Variants in LETMD1 observed in about 807,000 individuals in gnomAD.
LETMD1 encodes LETM1 domain-containing protein 1.
A neutral mutation model predicts 43.9 loss-of-function variants in LETMD1; 30 were observed. The ratio of observed to expected loss-of-function variants is 0.68; its 90% CI spans 0.51 to 0.93. The LOEUF is 0.93. Among genes scored for constraint, LETMD1 ranks in the 40% least tolerant of loss-of-function variants. The pLI is 0.00. For missense variants in LETMD1, 413 were observed against 447.7 expected (o/e 0.92, Z 0.70); for synonymous variants, 176 against 163.1 (o/e 1.08, Z -0.60).
At position 51,056,220 on chromosome 12, in the gene LETMD1, T is replaced by C; in HGVS notation, c.737T>C (p.Met246Thr). 6.2e-7 allele frequency: 1 copy of C among 1,614,272 alleles called. No homozygotes were observed. Among genetic ancestry groups the C allele is most frequent in the Non-Finnish European group, 8.5e-7 (1 of 1,180,046 alleles). Residue 246 changes from methionine to threonine, a missense_variant, in exon 6 of 9, where the codon ATG becomes ACG. Transcript: ENST00000262055. ...TGTTTCTCTAACCATCCTCTGGGCATGAACCAACTCCAGGCTTTGCACGTG... is the reference window on the plus strand; with the variant it reads ...TGTTTCTCTAACCATCCTCTGGGCACGAACCAACTCCAGGCTTTGCACGTG... The part of the protein sequence containing the change: ...RECFSNHPLG[M>T]NQLQALHVKA...
intron 8 of LETMD1, chr12:51,058,628 G>T: frequency 6.3e-6 from 1 of 159,994 alleles, no homozygotes; most frequent in Admixed American, 6.0e-5. Context: ...CTCCATGTTG[G>T]TCAGGCTGAT....
intron 2 of LETMD1, chr12:51,049,428 T>C (rs7962888): frequency 1.3e-3 from 531 of 408,658 alleles, no homozygotes; most frequent in Non-Finnish European, 1.8e-3. Flanking sequence ...ATAGGTATGT[T>C]CTCGTACTTT....
chr12:51,051,531 A>G (rs1054305716), intron 2 of LETMD1, among the ~76,000 whole-genome samples: 6 of 151,440 alleles, frequency 4.0e-5, no homozygotes, highest in African/African-American at 1.5e-4. Context: ...ACATGGTGAA[A>G]CCCCATCTCT....
intron 2 of LETMD1, 50 bp downstream of exon 2, chr12:51,049,235 T>C: frequency 6.6e-7 from 1 of 1,514,844 alleles, no homozygotes; most frequent in East Asian, 2.3e-5. Context: ...TTGGGCAGGG[T>C]CAAAGAGTTA....
the LETMD1 span, chr12:51,067,959 T>C: frequency 6.2e-7 from 1 of 1,613,280 alleles, no homozygotes; most frequent in South Asian, 1.1e-5. This position sits in a 1 kb window ranked among gnomAD's most constrained non-coding sequence, Gnocchi z 4.1. Context: ...CACTGTCCCA[T>C]TCTTGGTCAG....
chr12:51,064,157 G>A (rs984099959), downstream of LETMD1: 50 of 1,614,066 alleles, frequency 3.1e-5, no homozygotes, highest in Non-Finnish European at 4.1e-5. Context: ...AGGATGGGCT[G>A]TTCACCGTTG....
the LETMD1 span, among the ~76,000 whole-genome samples, chr12:51,067,165 GA>G: frequency 6.6e-5 from 10 of 151,940 alleles, no homozygotes; most frequent in Non-Finnish European, 1.2e-4. This position sits in a 1 kb window ranked among gnomAD's most constrained non-coding sequence, Gnocchi z 4.1. Context: ...CAGTATTTAG[GA>G]AACAGTATTT....
At chr12:51,048,853 C>T in intron 1 of LETMD1, 181 bp from the exon 2 acceptor site, 1 of 640,024 alleles carries the variant, frequency 1.6e-6, no homozygotes, top group African/African-American at 1.8e-5. Context: ...CTGGCCTTTG[C>T]CTGATTTGTG....
At chr12:51,054,706 GA>G (rs1229626953) in intron 4 of LETMD1, among the ~76,000 whole-genome samples, 19 of 151,994 alleles carry the variant, frequency 1.3e-4, no homozygotes, top group Non-Finnish European at 1.3e-4. Flanking sequence ...CACCTAGAAT[GA>G]AAAAAGGGCA....
intron 3 of LETMD1, 47 bp from the exon 4 acceptor site, chr12:51,053,731 A>T: frequency 3.8e-6 from 5 of 1,330,094 alleles, no homozygotes; most frequent in Non-Finnish European, 5.4e-6. Context: ...CTATTGTATT[A>T]ACAACTTATT....
rs938388727 is a variant in LETMD1 at position 51,060,157 on chromosome 12, G to A, written c.*726G>A. ...CTGGGCTGTATTACAGCCCTCTGTG[G>A]ATCTTCAACTCTGCTGCCTCCACTG... On this transcript the variant is annotated 3_prime_UTR_variant, in exon 9 of 9. Transcript: ENST00000262055. 1 of 152,698 alleles carries A rather than the reference G, an allele frequency of 6.5e-6. No individual in the cohort carries two copies. Among genetic ancestry groups the A allele is most frequent in the African/African-American group, 2.4e-5 (1 of 41,418 alleles). The allele number at this position is 152,698 out of a possible 1,614,324, so 9.5% of individuals were successfully genotyped here.
chr12:51,049,153 G>A lies in LETMD1; in HGVS notation c.242G>A (p.Arg81His), dbSNP rs780212205. ...YHRFLGRHFP[R>H]FYVLYTIFMK... The stretch of plus-strand genomic sequence containing the variant: ...CGTTTCTTGGGTCGTCATTTCCCCC[G>A]CTTCTATGTCCTGTACACAATCTTC... The change falls in exon 2 of 9, where the codon CGC becomes CAC. Residue 81 changes from arginine (R) to histidine (H), a missense_variant. By Grantham distance (29) the Arg-to-His change is conservative. Transcript: ENST00000262055. The A allele has an allele frequency of 2.5e-6, 4 of 1,613,848 alleles. No individual in the cohort carries two copies. The highest frequency in any genetic ancestry group is 1.3e-5 in the African/African-American group (1 of 74,966).
chr12:51,053,827 C>T lies in LETMD1; in HGVS notation c.440C>T (p.Pro147Leu). ...KCLFLGIISI[P>L]PFANYLVFLL... Reference sequence around the variant, plus strand: ...CTTTTCCTAGGTATTATTTCCATTCCACCTTTTGCCAACTACCTGGTCTTC... The same window carrying T: ...CTTTTCCTAGGTATTATTTCCATTCTACCTTTTGCCAACTACCTGGTCTTC... Residue 147 changes from proline (P) to leucine (L), a missense_variant, in exon 4 of 9, where the codon CCA (proline) becomes CTA (leucine). Transcript: ENST00000262055. 1.2e-6 allele frequency: 2 copies of T among 1,613,252 alleles called. 1 individual carries two copies. Among genetic ancestry groups the T allele is most frequent in the South Asian group, 2.2e-5 (2 of 90,984 alleles).
chr12:51,053,978 C>T, intron 4 of LETMD1, 118 bp downstream of exon 4: 1 of 724,800 alleles, frequency 1.4e-6, no homozygotes, highest in South Asian at 1.8e-5. Context: ...AACTTCTGCT[C>T]CAATCTTCTC....
In LETMD1 at chr12:51,049,064, A is replaced by G; in HGVS notation, c.153A>G (p.Ala51=). The G allele has an allele frequency of 6.2e-7, 1 of 1,614,138 alleles. No individual in the cohort carries two copies. Among genetic ancestry groups the G allele is most frequent in the African/African-American group, 1.3e-5 (1 of 75,058 alleles). ...CAAAGCTTCACCTTTCTCCAAAGGC[A>G]GATGTGAAGAACTTGATGTCTTATG... ...RSSKLHLSPK[A]DVKNLMSYVV... is the part of the protein sequence containing the mutation. The change falls in exon 2 of 9, where the codon GCA becomes GCG. Residue 51 remains alanine, a synonymous_variant. Coordinates refer to ENST00000262055, the MANE Select transcript of LETMD1 (RefSeq NM_015416.5).
chr12:51,051,635 A>G (rs1946171836), intron 2 of LETMD1, among the ~76,000 whole-genome samples: 1 of 151,888 alleles, frequency 6.6e-6, no homozygotes, highest in African/African-American at 2.4e-5. Flanking sequence ...TAAACCTGGG[A>G]GGTGGAGGTT....
intron 1 of LETMD1, chr12:51,048,688 C>G (rs1264633065): frequency 1.5e-6 from 1 of 649,914 alleles, no homozygotes; most frequent in Non-Finnish European, 2.6e-6. Context: ...TCTGGTTTCC[C>G]CGCGTGTCCT....
In LETMD1 at chr12:51,056,510, C is replaced by A. The variant is rs746896693; in HGVS notation, c.915+8C>A. On this transcript the variant is annotated splice_region_variant and intron_variant, in intron 7 of 8. Coordinates refer to ENST00000262055, the MANE Select transcript of LETMD1 (RefSeq NM_015416.5). ...GCTCAGGAAGTAAAATCGGTAAGAG[C>A]TTGATTGCAACATCAACCCTCAACC... 1 of 1,614,148 alleles carries A rather than the reference C, an allele frequency of 6.2e-7. No individual in the cohort carries two copies. The highest frequency in any genetic ancestry group is 8.5e-7 in the Non-Finnish European group (1 of 1,180,018).
downstream of LETMD1, among the ~76,000 whole-genome samples, chr12:51,065,417 A>G (rs895143974): frequency 6.6e-5 from 10 of 152,232 alleles, no homozygotes; most frequent in African/African-American, 1.2e-4. Context: ...AATTAAAACC[A>G]CAAGTAAGCA....
Sources: allele counts gnomAD v4.1 joint callset (sites outside exome capture counted in the v4.1 genomes callset), GRCh38; gene constraint gnomAD v4.1.1; non-coding constraint Gnocchi (gnomAD v3.1); transcripts MANE v1.5; gene names NCBI Gene and HGNC (gene_info 2026-07-23, HGNC 2026-07-21).